PTPRD: variants seen among roughly 807,000 people sequenced by gnomAD.
The protein encoded by PTPRD is protein tyrosine phosphatase receptor type D.
PTPRD carries 34 observed loss-of-function variants against 214.5 expected under a neutral mutation model. The observed-to-expected ratio is 0.16, with a 90% confidence interval of 0.12 to 0.21. PTPRD has a LOEUF of 0.21. PTPRD is among the 10% of genes least tolerant of loss of function. The pLI is 1.00. For synonymous variants in PTPRD, 1,128 were observed against 845.7 expected (o/e 1.33, Z -5.79); for missense variants, 2,545 against 2,398.7 (o/e 1.06, Z -1.27).
intron 5 of PTPRD, among the ~76,000 whole-genome samples, chr9:9,832,861 T>C (rs1476388818): frequency 2.0e-5 from 3 of 150,490 alleles, no homozygotes; most frequent in Non-Finnish European, 4.4e-5. Context: ...TTTGTAGGAA[T>C]TCAATTAAAG....
chr9:9,075,809 A>C (rs1429570444), intron 10 of PTPRD, among the ~76,000 whole-genome samples: 2 of 152,126 alleles, frequency 1.3e-5, no homozygotes, highest in African/African-American at 4.8e-5. Context: ...TCAGTCTTTC[A>C]TTGATGGAAA....
intron 3 of PTPRD, among the ~76,000 whole-genome samples, chr9:10,282,525 A>G (rs867856921): frequency 6.6e-6 from 1 of 152,130 alleles, no homozygotes; most frequent in South Asian, 2.1e-4. Flanking sequence ...CTGCTGCTCT[A>G]AGAAATTTCC....
rs558929771 is a variant in PTPRD, at chr9:9,222,193, C to A, written c.-202-38830G>T. On this transcript the variant is annotated intron_variant, in intron 9 of 45. Coordinates refer to ENST00000381196, the MANE Select transcript of PTPRD (RefSeq NM_002839.4). The stretch of plus-strand genomic sequence containing the variant: ...CTATTAATTTAATTTAATAGCTTGA[C>A]CTTTTGTTACTATAGCCTGTGATAG... 5.9e-5 allele frequency among the ~76,000 whole-genome samples: 9 copies of A among 152,060 alleles called. No individual in the cohort carries two copies. In the South Asian group the frequency reaches 1.7e-3, roughly 28 times the overall value.
At chr9:10,513,519 G>T (rs2048988638) in intron 2 of PTPRD, among the ~76,000 whole-genome samples, 1 of 152,120 alleles carries the variant, frequency 6.6e-6, no homozygotes, top group Non-Finnish European at 1.5e-5. Flanking sequence ...AGGAAATAAG[G>T]AACAGGTAGA....
rs1043449743 is a variant in PTPRD, at chr9:10,461,868, C to T, written c.-599-120851G>A. Among the ~76,000 whole-genome samples the T allele has an allele frequency of 2.0e-5, 3 of 152,102 alleles. No individual in the cohort carries two copies. In the South Asian group the frequency reaches 6.2e-4, roughly 32 times the overall value. On this transcript the variant is annotated intron_variant, in intron 2 of 45. Transcript: ENST00000381196. ...AGCTCCTGACCTCAGGTAATCCGCC[C>T]GCCCCAGCCTCCCAAAGTTCTCGGA...
Position 9,886,068 on chromosome 9 carries a change from G to A in PTPRD, c.-368+52439C>T, listed in dbSNP as rs117527110. 2.0e-3 allele frequency among the ~76,000 whole-genome samples: 297 copies of A among 151,950 alleles called. 2 individuals are homozygous for A. Among genetic ancestry groups the A allele is most frequent in the Non-Finnish European group, 2.8e-3 (189 of 67,970 alleles). ...AACCTTTGGACTCCTGAACTGCTAT[G>A]GATAGAAAACAGAATGAGAATGTTT... On this transcript the variant is annotated intron_variant, in intron 5 of 45. Transcript: ENST00000381196.
At chr9:10,083,186 T>C (rs1221992081) in intron 3 of PTPRD, among the ~76,000 whole-genome samples, 1 of 152,046 alleles carries the variant, frequency 6.6e-6, no homozygotes, top group Non-Finnish European at 1.5e-5. Flanking sequence ...AATTGTTCTC[T>C]TATTATTTCT....
At chr9:9,967,711 G>T (rs1426522902) in intron 4 of PTPRD, among the ~76,000 whole-genome samples, 1 of 152,152 alleles carries the variant, frequency 6.6e-6, no homozygotes, top group Admixed American at 6.5e-5. Context: ...GGCAGTTTTG[G>T]TTTGCAATGT....
chr9:9,152,801 C>T (rs1353886769), intron 10 of PTPRD, among the ~76,000 whole-genome samples: 2 of 152,204 alleles, frequency 1.3e-5, no homozygotes, highest in Non-Finnish European at 2.9e-5. Flanking sequence ...AGACTTTGCA[C>T]TTCAGTTGAT....
At chr9:8,610,539 T>C (rs1324459999) in intron 14 of PTPRD, among the ~76,000 whole-genome samples, 2 of 152,204 alleles carry the variant, frequency 1.3e-5, no homozygotes, top group African/African-American at 4.8e-5. Context: ...CTTTCCTCTC[T>C]GTTAGACAAA....
chr9:10,192,445 G>GAAAAAAAAAA (rs552289562), intron 3 of PTPRD, among the ~76,000 whole-genome samples: 1 of 72,646 alleles, frequency 1.4e-5, no homozygotes, highest in African/African-American at 5.5e-5. Context: ...CACGATCCAG[G>GAAAAAAAAAA]AAAAAAAAAA....
intron 11 of PTPRD, among the ~76,000 whole-genome samples, chr9:8,765,207 C>G (rs1310718804): frequency 6.6e-6 from 1 of 152,170 alleles, no homozygotes; most frequent in Non-Finnish European, 1.5e-5. Flanking sequence ...TACTCTTCCC[C>G]TCAAAAGATG....
intron 40 of PTPRD, 38 bp downstream of exon 40, chr9:8,341,655 C>T (rs1203739081): frequency 6.3e-7 from 1 of 1,599,410 alleles, no homozygotes; most frequent in African/African-American, 1.3e-5. Context: ...CCCAGAATGA[C>T]TTGCTCCTGA....
intron 4 of PTPRD, among the ~76,000 whole-genome samples, chr9:9,983,647 C>G (rs1214451301): frequency 6.6e-6 from 1 of 152,174 alleles, no homozygotes; most frequent in Non-Finnish European, 1.5e-5. Context: ...CATGAAATGA[C>G]ACTTACACTC....
intron 10 of PTPRD, among the ~76,000 whole-genome samples, chr9:9,053,272 A>G (rs188203011): frequency 1.3e-5 from 2 of 152,240 alleles, no homozygotes; most frequent in Admixed American, 1.3e-4. Flanking sequence ...TAGTTCTACC[A>G]CTTAGGAATA....
At chr9:10,100,397 C>A (rs1383865906) in intron 3 of PTPRD, among the ~76,000 whole-genome samples, 1 of 151,762 alleles carries the variant, frequency 6.6e-6, no homozygotes, top group East Asian at 2.0e-4. Flanking sequence ...AGTCTAGTTG[C>A]AAAGCCTACT....
rs1564799707 is a variant in PTPRD, at chr9:8,436,645, G to A, written c.4033C>T (p.His1345Tyr). The change falls in exon 35 of 46, where the codon CAC becomes TAC. Residue 1345 changes from histidine (H) to tyrosine (Y), a missense_variant. By Grantham distance (83) the His-to-Tyr change is moderately conservative. Transcript: ENST00000381196. The part of the protein sequence containing the change: ...PPIPILELAD[H>Y]IERLKANDNL... ...TCATTTGCTTTCAATCTTTCAATGTGGTCTGCAAGTTCCAAGATGGGTATT... is the reference window on the plus strand; with the variant it reads ...TCATTTGCTTTCAATCTTTCAATGTAGTCTGCAAGTTCCAAGATGGGTATT... The A allele has an allele frequency of 6.2e-7, 1 of 1,613,490 alleles. No individual in the cohort carries two copies. The highest frequency in any genetic ancestry group is 8.5e-7 in the Non-Finnish European group (1 of 1,179,716).
chr9:10,265,118 C>T (rs2475344), intron 3 of PTPRD, among the ~76,000 whole-genome samples: 135,559 of 152,146 alleles, frequency 0.89, 60,877 homozygotes, highest in Non-Finnish European at 0.94. Flanking sequence ...GTCAGCAGCA[C>T]GAAAACAGAC....
chr9:10,005,997 G>T (rs1240696251), intron 4 of PTPRD, among the ~76,000 whole-genome samples: 1 of 151,780 alleles, frequency 6.6e-6, no homozygotes, highest in Non-Finnish European at 1.5e-5. Flanking sequence ...TAAGAACAAG[G>T]CAGGGCATGC....
Sources: allele counts gnomAD v4.1 joint callset (sites outside exome capture counted in the v4.1 genomes callset), GRCh38; gene constraint gnomAD v4.1.1; transcripts MANE v1.5; gene names NCBI Gene and HGNC (gene_info 2026-07-23, HGNC 2026-07-21).